Variants in ADGRD1 observed in about 807,000 individuals in gnomAD.
ADGRD1 encodes G-protein coupled receptor 133.
A neutral mutation model predicts 113.4 loss-of-function variants in ADGRD1; 77 were observed. That is an observed-to-expected ratio of 0.68 (90% CI 0.57 to 0.82). The LOEUF (loss-of-function observed/expected upper bound fraction) is 0.82. Ranked by LOEUF, ADGRD1 falls within the 40% of genes least tolerant of loss-of-function variation. The pLI is 0.00. For synonymous variants in ADGRD1, 474 were observed against 475.0 expected, an observed-to-expected ratio of 1.00 and a Z score of 0.03; for missense variants, 1,036 against 1,139.1, an observed-to-expected ratio of 0.91 and a Z score of 1.30.
At chr12:131,121,632 T>A (rs1950597200) in intron 20 of ADGRD1, among the ~76,000 whole-genome samples, 1 of 152,138 alleles carries the variant, frequency 6.6e-6, no homozygotes, top group South Asian at 2.1e-4. Context: ...TGCCCTCCTC[T>A]GTCTCCCAAA....
At chr12:131,138,667 A>T (rs1178049795) in intron 24 of ADGRD1, among the ~76,000 whole-genome samples, 1 of 151,908 alleles carries the variant, frequency 6.6e-6, no homozygotes, top group Admixed American at 6.5e-5. Flanking sequence ...CACGGTGCTC[A>T]ATGAAGGCGC....
chr12:130,985,574 G>A (rs531632008), intron 5 of ADGRD1, among the ~76,000 whole-genome samples: 2 of 151,020 alleles, frequency 1.3e-5, no homozygotes, highest in Admixed American at 1.3e-4. Context: ...TTTTGAGATG[G>A]AGTTTGGCTC....
chr12:131,114,361 C>G (rs1436754571), intron 18 of ADGRD1, among the ~76,000 whole-genome samples: 1 of 152,220 alleles, frequency 6.6e-6, no homozygotes, highest in Non-Finnish European at 1.5e-5. Flanking sequence ...TGTGTGGTTT[C>G]TGATACCAAT....
At chr12:130,960,369 T>C (rs1870191927) in intron 2 of ADGRD1, among the ~76,000 whole-genome samples, 1 of 152,140 alleles carries the variant, frequency 6.6e-6, no homozygotes, top group South Asian at 2.1e-4. Context: ...CATCATGCCT[T>C]AGAGTTTCTA....
chr12:131,010,692 G>T (rs1288185169), intron 12 of ADGRD1, among the ~76,000 whole-genome samples: 1 of 152,204 alleles, frequency 6.6e-6, no homozygotes, highest in Non-Finnish European at 1.5e-5. Context: ...GCTCCGTGGG[G>T]CCAGGTAGTA....
intron 4 of ADGRD1, chr12:130,973,481 A>G (rs10734983): frequency 0.81 from 122,640 of 152,144 alleles, 52,915 homozygotes; most frequent in Non-Finnish European, 0.95. Flanking sequence ...CTTCCCCTTC[A>G]TCACTAGGGT....
At chr12:130,998,590 A>G (rs932461095) in intron 8 of ADGRD1, among the ~76,000 whole-genome samples, 2 of 152,038 alleles carry the variant, frequency 1.3e-5, no homozygotes, top group East Asian at 1.9e-4. Flanking sequence ...TCAGCCTCCC[A>G]AGTAGCTGGG....
At chr12:131,063,991 A>G (rs909020712) in intron 13 of ADGRD1, among the ~76,000 whole-genome samples, 1 of 152,232 alleles carries the variant, frequency 6.6e-6, no homozygotes, top group African/African-American at 2.4e-5. Flanking sequence ...TTTGGCATAC[A>G]GGTCCTATGC....
chr12:131,087,641 C>G (rs1274710330), intron 15 of ADGRD1, among the ~76,000 whole-genome samples: 2 of 152,208 alleles, frequency 1.3e-5, no homozygotes, highest in Non-Finnish European at 2.9e-5. Flanking sequence ...CTGTGACCCG[C>G]CAGATAATCC....
At chr12:131,115,615 G>C (rs1013266017) in intron 18 of ADGRD1, among the ~76,000 whole-genome samples, 8 of 152,252 alleles carry the variant, frequency 5.3e-5, no homozygotes, top group Admixed American at 2.0e-4. Context: ...GGACAGCACC[G>C]GTCTGGTCCC....
chr12:130,970,419 G>A (rs1346438395), intron 3 of ADGRD1: 1 of 152,152 alleles, frequency 6.6e-6, no homozygotes, highest in African/African-American at 2.4e-5. Flanking sequence ...GCAAAAATGG[G>A]ATAAAATTTA....
intron 12 of ADGRD1, among the ~76,000 whole-genome samples, chr12:131,008,433 G>A (rs1233355041): frequency 6.6e-6 from 1 of 152,228 alleles, no homozygotes; most frequent in Non-Finnish European, 1.5e-5. Flanking sequence ...GTGCCGTAGT[G>A]TCCTTTAATT....
Position 131,000,343 on chromosome 12 carries a change from A to G in ADGRD1, c.967-40A>G, listed in dbSNP as rs764757969. ...CTGAAGGTCTTCAAGTTTGTTGCCT[A>G]AGGACAGGTGCTGAGCAGTGTCATT... On this transcript the variant is annotated intron_variant, in intron 8 of 24. Transcript: ENST00000261654. 5 of 1,550,392 alleles carry G rather than the reference A, an allele frequency of 3.2e-6. No homozygotes were observed. The South Asian group carries it at 3.3e-5, about 10-fold the overall frequency.
At chr12:131,081,639 C>T (rs1886077534) in intron 14 of ADGRD1, among the ~76,000 whole-genome samples, 3 of 152,132 alleles carry the variant, frequency 2.0e-5, no homozygotes, top group Non-Finnish European at 2.9e-5. Context: ...ACACCATAAA[C>T]GCAATGCATT....
chr12:131,040,806 G>T (rs1323623918), intron 13 of ADGRD1, among the ~76,000 whole-genome samples: 6 of 152,398 alleles, frequency 3.9e-5, no homozygotes, highest in African/African-American at 1.4e-4. Context: ...TCTTGGACCG[G>T]AGCCTGCCGG....
Position 131,030,169 on chromosome 12 carries a change from G to A in ADGRD1, c.1473+15829G>A, listed in dbSNP as rs1473912148. 5.2e-5 allele frequency among the ~76,000 whole-genome samples: 7 copies of A among 134,580 alleles called. 1 individual carries two copies. The highest frequency in any genetic ancestry group is 2.1e-4 in the African/African-American group (7 of 33,794). 88.3% of individuals were successfully genotyped at this position (134,580 alleles called of 152,430 possible). A position where few individuals can be genotyped will look rare whatever the true frequency, so the allele number is the denominator to read the frequency against. ...TCTGGGGTTAGGTTGTGGACCCGTC[G>A]TATGGTGACATTCCCAGGCTCTGGG... On this transcript the variant is annotated intron_variant, in intron 13 of 24. Coordinates refer to ENST00000261654, the MANE Select transcript of ADGRD1 (RefSeq NM_198827.5).
intron 13 of ADGRD1, among the ~76,000 whole-genome samples, chr12:131,049,564 A>C (rs942042241): frequency 6.6e-6 from 1 of 152,158 alleles, no homozygotes; most frequent in African/African-American, 2.4e-5. Context: ...CACCACCCAG[A>C]GTGACCTTGT....
intron 22 of ADGRD1, 26 bp from the exon 23 acceptor site, chr12:131,136,947 T>G: frequency 1.9e-6 from 3 of 1,591,726 alleles, no homozygotes; most frequent in Non-Finnish European, 1.7e-6. Context: ...GGCTCTAATC[T>G]CTGCGTTTCT....
chr12:131,019,456 C>T lies in ADGRD1; in HGVS notation c.1473+5116C>T, dbSNP rs558232281. Among the ~76,000 whole-genome samples the T allele has an allele frequency of 6.6e-5, 10 of 152,332 alleles. No homozygotes were observed. In the South Asian group the frequency reaches 1.9e-3, roughly 28 times the overall value. ...TCTCTTCAGTCAAAATTGCTCACTG[C>T]GTTCAACCAAAAGCTGAAGTTTTAA... On this transcript the variant is annotated intron_variant, in intron 13 of 24. Coordinates refer to ENST00000261654, the MANE Select transcript of ADGRD1 (RefSeq NM_198827.5).
Sources: allele counts gnomAD v4.1 joint callset (sites outside exome capture counted in the v4.1 genomes callset), GRCh38; gene constraint gnomAD v4.1.1; transcripts MANE v1.5; gene names NCBI Gene and HGNC (gene_info 2026-07-23, HGNC 2026-07-21).